MED24: variants seen among roughly 807,000 people sequenced by gnomAD.
MED24 encodes mediator complex subunit 24, also known as mediator of RNA polymerase II transcription subunit 24.
A neutral mutation model predicts 118.8 loss-of-function variants in MED24; 74 were observed. That is an observed-to-expected ratio of 0.62 (90% CI 0.52 to 0.76). The LOEUF (loss-of-function observed/expected upper bound fraction) is 0.76. Ranked by LOEUF, MED24 falls within the 30% of genes least tolerant of loss-of-function variation. The pLI, the probability that MED24 is intolerant of heterozygous loss-of-function variation, is 0.00. For synonymous variants in MED24, 521 were observed against 523.9 expected, an observed-to-expected ratio of 0.99 and a Z score of 0.08; for missense variants, 1,041 against 1,278.9, an observed-to-expected ratio of 0.81 and a Z score of 2.84.
intron 10 of MED24, 24 bp from the exon 11 acceptor site, chr17:40,031,644 T>G: frequency 1.2e-6 from 2 of 1,608,560 alleles, no homozygotes; most frequent in Non-Finnish European, 1.7e-6. Flanking sequence ...GAAGTGTCCA[T>G]CTGGTTTCCA....
intron 16 of MED24, 147 bp downstream of exon 16, chr17:40,027,236 C>T: frequency 1.8e-6 from 2 of 1,109,696 alleles, no homozygotes; most frequent in South Asian, 1.6e-5. Context: ...GGTGCCTCTA[C>T]GGACTCCAGC....
At position 40,026,920 on chromosome 17, in the gene MED24, G is replaced by A. The variant is rs1477885157; in HGVS notation, c.1645C>T (p.Pro549Ser). 3 of 1,614,030 alleles carry A rather than the reference G, an allele frequency of 1.9e-6. No homozygotes were observed. The highest frequency in any genetic ancestry group is 1.7e-6 in the Non-Finnish European group (2 of 1,180,034). ...ILNPDHPCFR[P>S]DSTKVESLVA... Reference sequence around the variant, plus strand: ...AGGGACTCCACTTTGGTGGAGTCGGGGCGGAAGCAGGGGTGGTCAGGGTTC... The same window carrying A: ...AGGGACTCCACTTTGGTGGAGTCGGAGCGGAAGCAGGGGTGGTCAGGGTTC... The change falls in exon 17 of 26, where the codon CCC (proline) becomes TCC (serine). Residue 549 changes from proline to serine, a missense_variant. This residue lies in a region of MED24 where 587 missense variants were observed against 694.4 expected (regional missense o/e 0.85). Transcript: ENST00000394128.
chr17:40,020,677 T>C, intron 23 of MED24: 1 of 379,542 alleles, frequency 2.6e-6, no homozygotes, highest in Non-Finnish European at 5.1e-6. Flanking sequence ...TCCCAGCTCC[T>C]CGGGAGGCTG....
Position 40,033,415 on chromosome 17 carries a change from C to A in MED24, c.601G>T (p.Glu201Ter), listed in dbSNP as rs773261445. Residue 201 changes from glutamate (E) to a stop codon, truncating the protein, a stop_gained, in exon 7 of 26, where the codon GAG becomes TAG. Coordinates refer to ENST00000394128, the MANE Select transcript of MED24 (RefSeq NM_014815.4). LOFTEE classifies it high-confidence loss of function. This position sits in a 1 kb window ranked among gnomAD's most constrained non-coding sequence, Gnocchi z 5.2. ...AIEHSLLKLG[E>*]ILANLSNPQL... ...GGGTTGCTGAGATTGGCCAGGATCT[C>A]TCCAAGTTTCAAGAGAGAATGCTCG... The A allele has an allele frequency of 1.1e-5, 17 of 1,608,830 alleles. No individual in the cohort carries two copies. The South Asian group carries it at 1.8e-4, about 17-fold the overall frequency.
chr17:40,044,664 G>A (rs901485923), intron 3 of MED24, among the ~76,000 whole-genome samples: 2 of 151,546 alleles, frequency 1.3e-5, no homozygotes, highest in Admixed American at 6.6e-5. Flanking sequence ...GGCGGATCAC[G>A]AGGTCAGGAG....
Position 40,026,933 on chromosome 17 carries a change from G to A in MED24, c.1632C>T (p.His544=), listed in dbSNP as rs755417753. The change falls in exon 17 of 26, where the codon CAC becomes CAT. Residue 544 remains histidine (H), a synonymous_variant. Transcript: ENST00000394128. The part of the protein sequence containing the change: ...PEEGKILNPD[H]PCFRPDSTKV... ...TGGTGGAGTCGGGGCGGAAGCAGGG[G>A]TGGTCAGGGTTCAGGATCTTGCCCT... 3 of 1,614,074 alleles carry A rather than the reference G, an allele frequency of 1.9e-6. No homozygotes were observed. Among genetic ancestry groups the A allele is most frequent in the African/African-American group, 1.3e-5 (1 of 74,930 alleles).
chr17:40,022,726 A>G lies in MED24; in HGVS notation c.2351T>C (p.Leu784Pro). The G allele has an allele frequency of 6.2e-7, 1 of 1,613,936 alleles. No individual in the cohort carries two copies. Among genetic ancestry groups the G allele is most frequent in the Non-Finnish European group, 8.5e-7 (1 of 1,179,978 alleles). The change falls in exon 21 of 26, where the codon CTG (leucine) becomes CCG (proline). Residue 784 changes from leucine to proline, a missense_variant. Physicochemically the swap from Leu to Pro is moderately conservative, Grantham distance 98 (BLOSUM62 -3). Coordinates refer to ENST00000394128, the MANE Select transcript of MED24 (RefSeq NM_014815.4). ...LDMQQVTLVL[L>P]GHILPGLLTD... ...GAGCAGGCCAGGTAGGATGTGGCCC[A>G]GCAGGACCAGGGTCACTTGCTGCAT...
chr17:40,047,599 T>G (rs775120432), intron 3 of MED24, among the ~76,000 whole-genome samples: 6 of 142,554 alleles, frequency 4.2e-5, no homozygotes, highest in Non-Finnish European at 7.6e-5. Flanking sequence ...GAGGCGGAGG[T>G]TGCAGTGAGC....
At chr17:40,027,820 G>C in intron 15 of MED24, 89 bp downstream of exon 15, 1 of 1,402,818 alleles carries the variant, frequency 7.1e-7, no homozygotes, top group Non-Finnish European at 1.0e-6. Context: ...TCCCCCTGTT[G>C]AGCTGGGGAG....
rs953852894 is a variant in MED24 at position 40,032,886 on chromosome 17, G to C, written c.823-124C>G. ...GAGTCACTGCTCAGCTATGTGCTGA[G>C]AACCAGGGGAGTAAGGTCCAATGAC... On this transcript the variant is annotated intron_variant, in intron 8 of 25. Coordinates refer to ENST00000394128, the MANE Select transcript of MED24 (RefSeq NM_014815.4). The C allele has an allele frequency of 4.6e-6, 6 of 1,311,464 alleles. No individual in the cohort carries two copies. The Admixed American group carries it at 1.2e-4, about 27-fold the overall frequency. The allele number at this position is 1,311,464 out of a possible 1,614,324, so 81.2% of individuals were successfully genotyped here.
At position 40,022,013 on chromosome 17, in the gene MED24, C is replaced by G. The variant is rs567960186; in HGVS notation, c.2565G>C (p.Ser855=). Residue 855 remains serine, a synonymous_variant, in exon 23 of 26, where the codon TCG becomes TCC. Coordinates refer to ENST00000394128, the MANE Select transcript of MED24 (RefSeq NM_014815.4). ...TAGAGCTCAGCAGTCGCATCAACTT[C>G]GAAGGCTGCACATCGTCCAGGGGGA... ...SLFPLDDVQP[S]KLMRLLSSNE... 1 of 1,611,790 alleles carries G rather than the reference C, an allele frequency of 6.2e-7. No individual in the cohort carries two copies. The highest frequency in any genetic ancestry group is 1.7e-5 in the Admixed American group (1 of 59,572).
At chr17:40,031,108 A>G (rs1983317133) in intron 12 of MED24, 51 bp downstream of exon 12, 1 of 1,517,242 alleles carries the variant, frequency 6.6e-7, no homozygotes, top group African/African-American at 1.4e-5. Context: ...CCACCGTAAC[A>G]AGAGAGAGGT....
Position 40,027,906 on chromosome 17 carries a change from T to C in MED24, c.1447+3A>G, listed in dbSNP as rs1407511639. ...GGCCTGCGGATGCACAGGGCTGACT[T>C]ACTGCTTTCTTCGCTGCCATAGGTT... On this transcript the variant is annotated splice_donor_region_variant and intron_variant, in intron 15 of 25. Coordinates refer to ENST00000394128, the MANE Select transcript of MED24 (RefSeq NM_014815.4). 6.2e-7 allele frequency: 1 copy of C among 1,613,452 alleles called. No individual in the cohort carries two copies. The highest frequency in any genetic ancestry group is 8.5e-7 in the Non-Finnish European group (1 of 1,179,886).
intron 19 of MED24, among the ~76,000 whole-genome samples, chr17:40,024,866 G>C (rs961825957): frequency 2.0e-5 from 3 of 152,112 alleles, no homozygotes; most frequent in African/African-American, 7.2e-5. Flanking sequence ...CTCCCAAGTA[G>C]CTGGGATTGC....
chr17:40,027,698 G>A (rs1032974633), intron 15 of MED24: 5 of 671,276 alleles, frequency 7.4e-6, no homozygotes, highest in East Asian at 2.7e-5. Flanking sequence ...AAAGGGATGA[G>A]GGGGGGAAGG....
chr17:40,033,766 C>T lies in MED24; in HGVS notation c.560-310G>A, dbSNP rs776284784. 2.4e-5 allele frequency: 13 copies of T among 532,252 alleles called. No individual in the cohort carries two copies. The highest frequency in any genetic ancestry group is 4.3e-5 in the Non-Finnish European group (12 of 277,138). The allele number at this position is 532,252 out of a possible 1,614,324, so 33.0% of individuals were successfully genotyped here. A position where few individuals can be genotyped will look rare whatever the true frequency, so the allele number is the denominator to read the frequency against. Reference sequence around the variant, plus strand: ...AGAGAGGCAGAGGGAGGCCAGAATCCAGTGGCTGGAACAGGGAGGGCGGCC... The same window carrying T: ...AGAGAGGCAGAGGGAGGCCAGAATCTAGTGGCTGGAACAGGGAGGGCGGCC... On this transcript the variant is annotated intron_variant, in intron 6 of 25. Transcript: ENST00000394128. This position sits in a 1 kb window ranked among gnomAD's most constrained non-coding sequence, Gnocchi z 5.2.
intron 3 of MED24, among the ~76,000 whole-genome samples, chr17:40,037,529 G>C (rs1003637796): frequency 2.0e-5 from 3 of 152,122 alleles, no homozygotes; most frequent in Non-Finnish European, 1.5e-5. Context: ...CTTTAGCTCA[G>C]CATGTCTCAA....
chr17:40,049,120 T>A (rs1249694707), intron 3 of MED24, among the ~76,000 whole-genome samples: 1 of 151,938 alleles, frequency 6.6e-6, no homozygotes, highest in Non-Finnish European at 1.5e-5. Context: ...GAAGAAGGAT[T>A]ACTTGAGGCC....
chr17:40,036,709 G>A (rs915497971), intron 3 of MED24, among the ~76,000 whole-genome samples: 12 of 140,272 alleles, frequency 8.6e-5, no homozygotes, highest in East Asian at 8.5e-4. Flanking sequence ...AAAAAAAAGC[G>A]CCTGCTACTC....
Sources: gnomAD v4.1 joint callset for allele counts (sites outside exome capture counted in the v4.1 genomes callset) on GRCh38, gnomAD v4.1.1 for gene constraint, gnomAD v4.1.1 regional missense constraint, Gnocchi (gnomAD v3.1) non-coding constraint, MANE v1.5 for transcripts, NCBI Gene and HGNC (gene_info 2026-07-23, HGNC 2026-07-21) for gene names.